Variants in WNK1 observed in about 807,000 individuals in gnomAD.
WNK1 encodes WNK lysine deficient protein kinase 1.
A neutral mutation model predicts 222.8 loss-of-function variants in WNK1; 38 were observed. The observed-to-expected ratio is 0.17, with a 90% CI of 0.13 to 0.22. WNK1 has a LOEUF of 0.22. Among genes scored for constraint, WNK1 ranks in the 10% least tolerant of loss-of-function variants. The pLI is 1.00. For synonymous variants in WNK1, 1,090 were observed against 1,092.9 expected (o/e 1.00, Z 0.05); for missense variants, 2,348 against 2,918.4 (o/e 0.80, Z 4.50).
intron 7 of WNK1, 147 bp downstream of exon 7, chr12:861,490 T>A: frequency 2.8e-6 from 2 of 725,354 alleles, no homozygotes; most frequent in Non-Finnish European, 4.7e-6. Context: ...CTAGCTTCTC[T>A]TTATTCTTAT....
intron 9 of WNK1, 144 bp downstream of exon 9, chr12:871,492 G>GA (rs576138398): frequency 6.8e-4 from 521 of 762,178 alleles, no homozygotes; most frequent in Non-Finnish European, 9.3e-4. Context: ...CAGTAACAAA[G>GA]AAAAAAAAGA....
At chr12:888,971 TAATC>T (rs1953941710) in intron 20 of WNK1, among the ~76,000 whole-genome samples, 165 bp from the exon 21 acceptor site, 1 of 152,154 alleles carries the variant, frequency 6.6e-6, no homozygotes, top group South Asian at 2.1e-4. Flanking sequence ...ACTGGCAAAA[TAATC>T]AAAGCAGTAC....
chr12:763,230 G>A (rs1941259453), intron 1 of WNK1, among the ~76,000 whole-genome samples: 1 of 147,408 alleles, frequency 6.8e-6, no homozygotes, highest in African/African-American at 2.4e-5. Flanking sequence ...CTGAACAAAG[G>A]GATGACATGT....
chr12:825,275 A>G (rs1302551957), intron 2 of WNK1, among the ~76,000 whole-genome samples: 3 of 152,170 alleles, frequency 2.0e-5, no homozygotes, highest in Non-Finnish European at 4.4e-5. Flanking sequence ...GTTTTCTTCA[A>G]TTAGCCCACC....
intron 26 of WNK1, among the ~76,000 whole-genome samples, chr12:903,137 C>T (rs1262935587): frequency 6.6e-6 from 1 of 152,178 alleles, no homozygotes; most frequent in Non-Finnish European, 1.5e-5. Context: ...GTTATTTTTA[C>T]CTGCATTAGA....
intron 1 of WNK1, among the ~76,000 whole-genome samples, chr12:812,461 G>A (rs1200540363): frequency 1.3e-5 from 2 of 152,076 alleles, no homozygotes; most frequent in Non-Finnish European, 2.9e-5. Flanking sequence ...AGCCTCTGAG[G>A]GCTTATTCTA....
In WNK1 at chr12:868,000, G is replaced by C. The variant is rs1468150183; in HGVS notation, c.2140-3265G>C. ...GCCCACCGAAAGTAGCCATTTCCCA[G>C]CGGCGTAAGAGCACCTCCTTCCTGG... On this transcript the variant is annotated intron_variant, in intron 8 of 27. Coordinates refer to ENST00000315939, the MANE Select transcript of WNK1 (RefSeq NM_018979.4). 1.9e-6 allele frequency: 3 copies of C among 1,613,912 alleles called. No homozygotes were observed. In the Admixed American group the frequency reaches 5.0e-5, roughly 27 times the overall value.
At chr12:769,822 C>T (rs1933723676) in intron 1 of WNK1, among the ~76,000 whole-genome samples, 1 of 152,154 alleles carries the variant, frequency 6.6e-6, no homozygotes, top group Admixed American at 6.5e-5. Context: ...ACAGAGGCAT[C>T]TGTTGAGGTC....
At chr12:891,597 T>C (rs909420479) in intron 22 of WNK1, among the ~76,000 whole-genome samples, 4 of 147,466 alleles carry the variant, frequency 2.7e-5, no homozygotes, top group African/African-American at 9.8e-5. Context: ...AAGGGGATTT[T>C]TTTTCTTTTT....
Position 792,308 on chromosome 12 carries a change from CTTTTTTTTTTTTT to C in WNK1, c.760-21324_760-21312del, listed in dbSNP as rs35838951. Among the ~76,000 whole-genome samples the C allele has an allele frequency of 1.4e-3, 128 of 89,062 alleles. 1 individual carries two copies. The highest frequency in any genetic ancestry group is 0.014 in the Middle Eastern group (2 of 142). 58.4% of individuals were successfully genotyped at this position (89,062 alleles called of 152,430 possible). ...TTTCAATTTTTATGATACTGTTATT[CTTTTTTTTTTTTT>C]TTTTTTTTTGAGGCGGAGTCTCACT... On this transcript the variant is annotated intron_variant, in intron 1 of 27. Transcript: ENST00000315939.
In WNK1 at chr12:753,561, C is replaced by G. The variant is rs778361744; in HGVS notation, c.-5C>G. ...GCCCGCTCGCCTCTCTCCAGCGAAC[C>G]GACCATGTCTGGCGGCGCCGCAGAG... On this transcript the variant is annotated 5_prime_UTR_variant, in exon 1 of 28. Coordinates refer to ENST00000315939, the MANE Select transcript of WNK1 (RefSeq NM_018979.4). This position sits in a 1 kb window ranked among gnomAD's most constrained non-coding sequence, Gnocchi z 5.2. 3.1e-6 allele frequency: 5 copies of G among 1,612,356 alleles called. No individual in the cohort carries two copies. Among genetic ancestry groups the G allele is most frequent in the African/African-American group, 1.3e-5 (1 of 75,042 alleles).
At chr12:821,926 A>G (rs1005335300) in intron 2 of WNK1, among the ~76,000 whole-genome samples, 6 of 152,038 alleles carry the variant, frequency 3.9e-5, no homozygotes, top group African/African-American at 1.4e-4. Context: ...CCTTGGATCT[A>G]TAATGAGTCT....
At position 884,363 on chromosome 12, in the gene WNK1, G is replaced by T; in HGVS notation, c.3844+120G>T. On this transcript the variant is annotated intron_variant, in intron 18 of 27. Coordinates refer to ENST00000315939, the MANE Select transcript of WNK1 (RefSeq NM_018979.4). The surrounding 1 kb of genome is among the most constrained non-coding windows in gnomAD (Gnocchi z 5.6). ...AGATAATAAAAAAGAATAGAAAACT[G>T]AAGTTATAACCAACAGATAAACATA... is the stretch of plus-strand genomic sequence containing the variant. 6.8e-7 allele frequency: 1 copy of T among 1,476,732 alleles called. No homozygotes were observed. The allele number at this position is 1,476,732 out of a possible 1,614,324, so 91.5% of individuals were successfully genotyped here.
rs377375124 is a variant in WNK1 at position 865,191 on chromosome 12, T to C, written c.2139+2921T>C. ...GTGTCCCGCATCTCTCCCAGTGCTC[T>C]TCCACCCCACCGCCAGTACTGTCTG... On this transcript the variant is annotated intron_variant, in intron 8 of 27. Transcript: ENST00000315939. 4.6e-6 allele frequency: 7 copies of C among 1,528,748 alleles called. No individual in the cohort carries two copies. The highest frequency in any genetic ancestry group is 2.5e-5 in the East Asian group (1 of 40,702). The allele number at this position is 1,528,748 out of a possible 1,614,324, so 94.7% of individuals were successfully genotyped here.
At position 908,203 on chromosome 12, in the gene WNK1, ATTCCTAACCTCTTG is replaced by A; in HGVS notation, c.6831+172_6831+185del. On this transcript the variant is annotated intron_variant, in intron 27 of 27. Transcript: ENST00000315939. ...TACCCTTTTATTTTTCCTTCCCTGA[ATTCCTAACCTCTTG>A]TTGGTCAGCTCAACTTTTTCTTCTT... 5.4e-6 allele frequency: 5 copies of A among 929,508 alleles called. No individual in the cohort carries two copies. In the South Asian group the frequency reaches 6.1e-5, roughly 11 times the overall value. The allele number at this position is 929,508 out of a possible 1,614,324, so 57.6% of individuals were successfully genotyped here.
At position 908,475 on chromosome 12, in the gene WNK1, G is replaced by C. The variant is rs1245571411; in HGVS notation, c.6832G>C (p.Gly2278Arg). 7.4e-6 allele frequency: 12 copies of C among 1,614,068 alleles called. 2 individuals carry two copies. The South Asian group carries it at 1.3e-4, about 18-fold the overall frequency. ...TGACACGTGGTGGTTTTGTTTTCAG[G>C]GCCCTGGAATGGCAAGGAAGTTCTC... ...RGSKGHMNYEGPGMARKFSAP... is the reference protein window; with the variant it reads ...RGSKGHMNYERPGMARKFSAP... The change falls in exon 28 of 28, where the codon GGC becomes CGC. Residue 2278 changes from glycine to arginine, a missense_variant and splice_region_variant. Gly to Arg is a moderately radical substitution (Grantham distance 125). Around this residue, in one of 13 missense-constraint regions of WNK1, gnomAD observed 55 missense variants for 104.1 expected, o/e 0.53. Transcript: ENST00000315939.
At position 842,218 on chromosome 12, in the gene WNK1, A is replaced by G. The variant is rs979369533; in HGVS notation, c.1311+12058A>G. Among the ~76,000 whole-genome samples the G allele has an allele frequency of 1.1e-4, 17 of 152,334 alleles. No individual in the cohort carries two copies. The East Asian group carries it at 3.3e-3, about 29-fold the overall frequency. ...TTGAGGTGACCTTCAGAATTATCCT[A>G]CTAAAATGAAGTTGAATAGCAGCAA... On this transcript the variant is annotated intron_variant, in intron 4 of 27. Coordinates refer to ENST00000315939, the MANE Select transcript of WNK1 (RefSeq NM_018979.4).
At chr12:890,805 A>G (rs1954151702) in intron 22 of WNK1, among the ~76,000 whole-genome samples, 1 of 152,252 alleles carries the variant, frequency 6.6e-6, no homozygotes, top group African/African-American at 2.4e-5. Flanking sequence ...AAGTAAATTT[A>G]CTGATAACCT....
intron 4 of WNK1, among the ~76,000 whole-genome samples, chr12:847,491 A>G (rs1950104922): frequency 6.6e-6 from 1 of 152,236 alleles, no homozygotes; most frequent in South Asian, 2.1e-4. Context: ...TTCAGTGAAC[A>G]AGTAACCAGT....
Sources: allele counts gnomAD v4.1 joint callset (sites outside exome capture counted in the v4.1 genomes callset), GRCh38; gene constraint gnomAD v4.1.1; regional missense constraint gnomAD v4.1.1; non-coding constraint Gnocchi (gnomAD v3.1); transcripts MANE v1.5; gene names NCBI Gene and HGNC (gene_info 2026-07-23, HGNC 2026-07-21).